LYRM4: variants seen among roughly 807,000 people sequenced by gnomAD.
LYRM4 encodes the protein LYR motif containing 4, also known as LYR motif-containing protein 4.
Under a neutral mutation model 11.7 loss-of-function variants are expected in LYRM4, and 9 were observed. That is an observed-to-expected ratio of 0.77 (90% CI 0.46 to 1.34). The LOEUF is 1.34. LYRM4 is among the 40% of genes most tolerant of loss of function. The probability of loss-of-function intolerance (pLI) is 0.00; values close to 1 mark genes in which losing one functional copy is unlikely to be tolerated. For missense variants in LYRM4, 133 were observed against 112.5 expected (o/e 1.18, Z -0.82); for synonymous variants, 42 against 40.4 (o/e 1.04, Z -0.15).
downstream of LYRM4, among the ~76,000 whole-genome samples, chr6:5,099,842 C>A (rs1762446658): frequency 6.6e-6 from 1 of 152,340 alleles, no homozygotes; most frequent in East Asian, 1.9e-4. This position sits in a 1 kb window ranked among gnomAD's most constrained non-coding sequence, Gnocchi z 4.3. Flanking sequence ...CCAGGTCAAT[C>A]TGACCCAGAT....
chr6:5,098,287 T>C, the LYRM4 span, among the ~76,000 whole-genome samples: 1 of 152,158 alleles, frequency 6.6e-6, no homozygotes, highest in South Asian at 2.1e-4. Flanking sequence ...GCACTGTGAG[T>C]CTCTGGTAGG....
At chr6:5,187,608 GT>G (rs1190603442) in intron 2 of LYRM4, among the ~76,000 whole-genome samples, 1 of 151,920 alleles carries the variant, frequency 6.6e-6, no homozygotes, top group Non-Finnish European at 1.5e-5. Flanking sequence ...CTGTCGGGGG[GT>G]TGGGGGCTGG....
At position 5,120,311 on chromosome 6, in the gene LYRM4, C is replaced by G. The variant is rs571061569; in HGVS notation, c.208-10820G>C. ...CAGGAATGAGTCCTTTTTGAATGGG[C>G]ACACATGTTAAGGCAGAGGTTCCTA... On this transcript the variant is annotated intron_variant, in intron 2 of 2. Coordinates refer to ENST00000330636, the MANE Select transcript of LYRM4 (RefSeq NM_020408.6). Among the ~76,000 whole-genome samples, 3 of 152,256 alleles carry G rather than the reference C, an allele frequency of 2.0e-5. No homozygotes were observed. In the South Asian group the frequency reaches 6.2e-4, roughly 32 times the overall value.
At chr6:5,223,606 G>T (rs1762713165) in intron 1 of LYRM4, among the ~76,000 whole-genome samples, 2 of 152,166 alleles carry the variant, frequency 1.3e-5, no homozygotes, top group Non-Finnish European at 1.5e-5. Context: ...GCTTAAAAAG[G>T]TCATCTAACT....
intron 2 of LYRM4, among the ~76,000 whole-genome samples, chr6:5,191,372 TTTTG>T (rs1760743472): frequency 6.6e-6 from 1 of 152,186 alleles, no homozygotes. Context: ...TCTGAAGTCC[TTTTG>T]ATGCCAGACT....
chr6:5,221,173 G>T (rs1233086999), intron 1 of LYRM4, among the ~76,000 whole-genome samples: 1 of 151,980 alleles, frequency 6.6e-6, no homozygotes, highest in African/African-American at 2.4e-5. Flanking sequence ...TCATTCTGCT[G>T]CCCCTTACAT....
chr6:5,074,245 A>C, the LYRM4 span, among the ~76,000 whole-genome samples: 1 of 152,156 alleles, frequency 6.6e-6, no homozygotes, highest in Non-Finnish European at 1.5e-5. Flanking sequence ...AGGGCACTGA[A>C]GCTTCAGTAG....
At chr6:5,260,604 GCCCCT>G in intron 1 of LYRM4, 39 bp downstream of exon 1, 4 of 1,196,158 alleles carry the variant, frequency 3.3e-6, no homozygotes, top group Non-Finnish European at 4.7e-6. Flanking sequence ...CCGGTCCCCG[GCCCCT>G]GGCCCCCCGC....
intron 1 of LYRM4, among the ~76,000 whole-genome samples, chr6:5,225,637 A>G (rs1215379889): frequency 6.6e-6 from 1 of 152,250 alleles, no homozygotes; most frequent in Non-Finnish European, 1.5e-5. Context: ...GTTGTCTCCA[A>G]TTGTGCTACC....
rs561481926 is a variant in LYRM4, at chr6:5,127,779, G to A, written c.208-18288C>T. Among the ~76,000 whole-genome samples, 7 of 152,240 alleles carry A rather than the reference G, an allele frequency of 4.6e-5. No individual in the cohort carries two copies. In the South Asian group the frequency reaches 1.0e-3, roughly 23 times the overall value. ...CATATAGCTTGCATTTATAGCTTAC[G>A]TGATTTTTCTAATAGACAATGTGAT... On this transcript the variant is annotated intron_variant, in intron 2 of 2. Coordinates refer to ENST00000330636, the MANE Select transcript of LYRM4 (RefSeq NM_020408.6).
chr6:5,257,559 T>C (rs1431232373), intron 1 of LYRM4, among the ~76,000 whole-genome samples: 1 of 152,198 alleles, frequency 6.6e-6, no homozygotes, highest in Non-Finnish European at 1.5e-5. Context: ...GTCCGTGGCC[T>C]GTTAGGAACC....
chr6:5,134,899 C>G (rs1021856253), intron 2 of LYRM4, among the ~76,000 whole-genome samples: 1 of 149,964 alleles, frequency 6.7e-6, no homozygotes, highest in East Asian at 1.9e-4. Flanking sequence ...ACTCCTAGGG[C>G]TGTGGAGGGT....
At chr6:5,229,061 T>C (rs1429346937) in intron 1 of LYRM4, among the ~76,000 whole-genome samples, 1 of 143,776 alleles carries the variant, frequency 7.0e-6, no homozygotes, top group East Asian at 2.0e-4. Flanking sequence ...AGGAAAATAG[T>C]ACAGTTCCCA....
At chr6:5,088,011 C>T in the LYRM4 span, 1 of 152,164 alleles carries the variant, frequency 6.6e-6, no homozygotes, top group African/African-American at 2.4e-5. Flanking sequence ...ACATTTGGCC[C>T]ATGGGCCAAA....
the LYRM4 span, among the ~76,000 whole-genome samples, chr6:5,075,089 T>G: frequency 2.0e-5 from 3 of 152,160 alleles, no homozygotes; most frequent in Non-Finnish European, 4.4e-5. Context: ...CCCTTCACCT[T>G]CCGCCATGAT....
At chr6:5,151,647 G>A (rs1380333948) in intron 2 of LYRM4, among the ~76,000 whole-genome samples, 1 of 152,184 alleles carries the variant, frequency 6.6e-6, no homozygotes, top group Non-Finnish European at 1.5e-5. Context: ...GAGAAGGGAT[G>A]GGCTTTCAAA....
At chr6:5,210,745 T>G (rs1264300223) in intron 2 of LYRM4, among the ~76,000 whole-genome samples, 1 of 152,206 alleles carries the variant, frequency 6.6e-6, no homozygotes, top group African/African-American at 2.4e-5. Context: ...TTTAGACACC[T>G]CATATAAATG....
intron 2 of LYRM4, among the ~76,000 whole-genome samples, chr6:5,208,890 C>T (rs578136632): frequency 1.3e-5 from 2 of 152,266 alleles, no homozygotes; most frequent in South Asian, 4.1e-4. Context: ...CATTGCCTTG[C>T]TTTCTTAAAC....
chr6:5,141,523 C>G (rs897325745), intron 2 of LYRM4, among the ~76,000 whole-genome samples: 1 of 152,202 alleles, frequency 6.6e-6, no homozygotes, highest in Non-Finnish European at 1.5e-5. Context: ...CGGAACAGTA[C>G]TGGTGTGGAT....
Sources: gnomAD v4.1 joint callset for allele counts (sites outside exome capture counted in the v4.1 genomes callset) on GRCh38, gnomAD v4.1.1 for gene constraint, Gnocchi (gnomAD v3.1) non-coding constraint, MANE v1.5 for transcripts, NCBI Gene and HGNC (gene_info 2026-07-23, HGNC 2026-07-21) for gene names.